The following MAGED1 variants were observed in gnomAD, a reference collection of about 807,000 sequenced individuals.
MAGED1 encodes melanoma-associated antigen D1.
Under a neutral mutation model 54.1 loss-of-function variants are expected in MAGED1, and 3 were observed. The observed-to-expected ratio is 0.06, with a 90% CI of 0.03 to 0.14. The LOEUF is 0.14. MAGED1 is among the 10% of genes least tolerant of loss of function. The pLI is 1.00. For synonymous variants in MAGED1, 217 were observed against 227.3 expected, an observed-to-expected ratio of 0.95 and a Z score of 0.41; for missense variants, 485 against 623.4, an observed-to-expected ratio of 0.78 and a Z score of 2.36.
chrX:51,821,065 T>C (rs782116574), intron 1 of MAGED1, among the ~76,000 whole-genome samples: 61 of 111,991 alleles, frequency 5.4e-4, no homozygotes, highest in Non-Finnish European at 2.8e-4. Flanking sequence ...ACTTGTTTTC[T>C]TAATTTTATT....
At chrX:51,854,369 C>T (rs1032652384) in intron 1 of MAGED1, among the ~76,000 whole-genome samples, 14 of 111,513 alleles carry the variant, frequency 1.3e-4, no homozygotes, top group South Asian at 3.8e-4. Context: ...CAAAGTGACC[C>T]GGGAAGCAAT....
intron 1 of MAGED1, among the ~76,000 whole-genome samples, chrX:51,878,669 T>G (rs1955854831): frequency 8.9e-6 from 1 of 111,922 alleles, no homozygotes; most frequent in African/African-American, 3.2e-5. Flanking sequence ...GTAATACATG[T>G]ATTTTTGCCA....
chrX:51,822,277 G>T (rs1053056043), intron 1 of MAGED1, among the ~76,000 whole-genome samples: 3 of 111,615 alleles, frequency 2.7e-5, no homozygotes, highest in Non-Finnish European at 1.9e-5. Flanking sequence ...AGATTCAGTA[G>T]TTTTTGTTTT....
At chrX:51,839,129 G>T (rs1318567444) in intron 1 of MAGED1, among the ~76,000 whole-genome samples, 1 of 111,575 alleles carries the variant, frequency 9.0e-6, no homozygotes, top group Non-Finnish European at 1.9e-5. Flanking sequence ...CCATTCCTCT[G>T]CCAGAGCTCT....
chrX:51,852,373 T>C (rs370989775), intron 1 of MAGED1, among the ~76,000 whole-genome samples: 117 of 111,925 alleles, frequency 1.0e-3, no homozygotes, highest in African/African-American at 3.4e-3. Flanking sequence ...TTCACAAGGG[T>C]TGGGATTTGA....
intron 6 of MAGED1, 40 bp downstream of exon 6, chrX:51,897,666 G>C: frequency 8.7e-7 from 1 of 1,151,637 alleles, no homozygotes; most frequent in Non-Finnish European, 1.2e-6. Context: ...AATGGGGAAA[G>C]TCTTGATTTC....
Position 51,840,338 on chromosome X carries a change from T to C in MAGED1, c.-37+37221T>C, listed in dbSNP as rs782349153. Among the ~76,000 whole-genome samples, 4 of 110,456 alleles carry C rather than the reference T, an allele frequency of 3.6e-5. No homozygotes were observed. In the South Asian group the frequency reaches 1.6e-3, roughly 43 times the overall value. ...TAGAACCCACATGAACCAAGGCCTT[T>C]TGGGGTCCTCAAAAAAATTTTTTCG... On this transcript the variant is annotated intron_variant, in intron 1 of 12. Transcript: ENST00000375772.
At chrX:51,832,096 G>T (rs782482209) in intron 1 of MAGED1, among the ~76,000 whole-genome samples, 2 of 110,936 alleles carry the variant, frequency 1.8e-5, no homozygotes, top group African/African-American at 6.6e-5. Flanking sequence ...GCAGTGGTGC[G>T]CAGGCGGTTC....
At chrX:51,879,321 C>G (rs556008818) in intron 1 of MAGED1, among the ~76,000 whole-genome samples, 6 of 111,603 alleles carry the variant, frequency 5.4e-5, no homozygotes, top group South Asian at 3.7e-4. Context: ...TCTAATATTT[C>G]TTGCAGGGCA....
intron 1 of MAGED1, among the ~76,000 whole-genome samples, chrX:51,872,151 A>C (rs2146995949): frequency 9.0e-6 from 1 of 111,165 alleles, no homozygotes; most frequent in Admixed American, 9.5e-5. Flanking sequence ...AATTTGTTTG[A>C]GTTCATTGTA....
chrX:51,853,697 ATTG>A (rs1267729335), intron 1 of MAGED1, among the ~76,000 whole-genome samples: 78 of 112,073 alleles, frequency 7.0e-4, no homozygotes, highest in Middle Eastern at 4.6e-3. Context: ...CTGCCATTTT[ATTG>A]TTTTTAAGTA....
intron 1 of MAGED1, among the ~76,000 whole-genome samples, chrX:51,893,961 C>CAGA (rs1928573924): frequency 9.1e-6 from 1 of 109,327 alleles, no homozygotes; most frequent in Non-Finnish European, 1.9e-5. Flanking sequence ...TCGATCTGTA[C>CAGA]TGTTAGATGA....
At chrX:51,825,239 G>C (rs1345475549) in intron 1 of MAGED1, among the ~76,000 whole-genome samples, 3 of 110,691 alleles carry the variant, frequency 2.7e-5, no homozygotes, top group African/African-American at 9.9e-5. Flanking sequence ...GATTGTAGAG[G>C]GGACTTGACT....
chrX:51,834,355 G>C (rs1334449276), intron 1 of MAGED1, among the ~76,000 whole-genome samples: 2 of 111,565 alleles, frequency 1.8e-5, no homozygotes, highest in Non-Finnish European at 3.8e-5. Context: ...CCAATCTTCT[G>C]TCCTTGCTCT....
chrX:51,847,294 C>T (rs1178520367), intron 1 of MAGED1, among the ~76,000 whole-genome samples: 1 of 111,606 alleles, frequency 9.0e-6, no homozygotes, highest in Non-Finnish European at 1.9e-5. Flanking sequence ...CGTTTTTGGA[C>T]ATATACCCCT....
intron 1 of MAGED1, among the ~76,000 whole-genome samples, chrX:51,859,212 C>T (rs1484968379): frequency 5.5e-5 from 6 of 109,728 alleles, no homozygotes; most frequent in Non-Finnish European, 3.8e-5. Flanking sequence ...TCTAGTATGG[C>T]GCCTGGCATG....
intron 1 of MAGED1, among the ~76,000 whole-genome samples, chrX:51,864,981 T>C (rs1478952570): frequency 8.9e-6 from 1 of 112,100 alleles, no homozygotes; most frequent in Non-Finnish European, 1.9e-5. Context: ...GGGCCTCCAG[T>C]ACTATGATGA....
chrX:51,864,270 A>G (rs1025251547), intron 1 of MAGED1, among the ~76,000 whole-genome samples: 4 of 110,506 alleles, frequency 3.6e-5, no homozygotes, highest in Admixed American at 1.9e-4. Flanking sequence ...TTTTTCCAAC[A>G]CCATTTGTTG....
At chrX:51,902,045 G>T (rs1929051790) in intron 12 of MAGED1, 101 bp from the exon 13 acceptor site, 1 of 823,752 alleles carries the variant, frequency 1.2e-6, no homozygotes, top group Non-Finnish European at 1.7e-6. Flanking sequence ...CTCATTGTAG[G>T]GAGATGAGGA....
Sources: allele counts gnomAD v4.1 joint callset (sites outside exome capture counted in the v4.1 genomes callset), GRCh38; gene constraint gnomAD v4.1.1; transcripts MANE v1.5; gene names NCBI Gene and HGNC (gene_info 2026-07-23, HGNC 2026-07-21).